NAV3: variants seen among roughly 807,000 people sequenced by gnomAD.
The protein encoded by NAV3 is neuron navigator 3, also known as pore membrane and/or filament interacting like protein 1.
A neutral mutation model predicts 244.7 loss-of-function variants in NAV3; 87 were observed. That is an observed-to-expected ratio of 0.36 (90% CI 0.30 to 0.42). The LOEUF is 0.42. Among genes scored for constraint, NAV3 ranks in the 20% least tolerant of loss-of-function variants. The pLI is 1.00. For missense variants in NAV3, 2,663 were observed against 2,893.3 expected (o/e 0.92, Z 1.83); for synonymous variants, 1,126 against 1,042.2 (o/e 1.08, Z -1.55).
chr12:78,053,260 A>G (rs1243022348), intron 11 of NAV3, among the ~76,000 whole-genome samples: 1 of 151,054 alleles, frequency 6.6e-6, no homozygotes, highest in Non-Finnish European at 1.5e-5. Context: ...ATGTATGTAT[A>G]TGTATGTGTA....
intron 5 of NAV3, among the ~76,000 whole-genome samples, chr12:77,972,294 G>C (rs1260826078): frequency 1.3e-5 from 2 of 152,118 alleles, no homozygotes. Context: ...ACCTGGATCT[G>C]TATTAAAGTA....
chr12:78,177,366 AT>A, intron 27 of NAV3, 53 bp downstream of exon 27: 1 of 1,563,462 alleles, frequency 6.4e-7, no homozygotes, highest in Non-Finnish European at 8.7e-7. Context: ...ACAATTTTAG[AT>A]GAAGGCCTTA....
intron 9 of NAV3, among the ~76,000 whole-genome samples, chr12:78,027,832 G>T (rs1350194404): frequency 6.6e-6 from 1 of 151,708 alleles, no homozygotes; most frequent in Non-Finnish European, 1.5e-5. Context: ...TTTTGTTTTT[G>T]TTTTTGTTTG....
intron 5 of NAV3, among the ~76,000 whole-genome samples, chr12:77,976,680 T>TTTC (rs1174715310): frequency 9.9e-5 from 13 of 131,946 alleles, no homozygotes; most frequent in African/African-American, 3.5e-4. Context: ...TTTTCTTTTT[T>TTTC]TTTTTTTTTT....
intron 23 of NAV3, among the ~76,000 whole-genome samples, chr12:78,162,226 C>G (rs1267796987): frequency 6.6e-6 from 1 of 152,078 alleles, no homozygotes; most frequent in East Asian, 1.9e-4. Context: ...GTATATTGCT[C>G]TCTGGTGATT....
At chr12:77,712,050 C>T (rs534337017) in intron 2 of NAV3, among the ~76,000 whole-genome samples, 2 of 152,268 alleles carry the variant, frequency 1.3e-5, no homozygotes, top group African/African-American at 4.8e-5. Flanking sequence ...AACCCCAGGT[C>T]ATTTAAACCA....
intron 5 of NAV3, among the ~76,000 whole-genome samples, chr12:77,983,775 A>G (rs1291490854): frequency 6.6e-6 from 1 of 152,178 alleles, no homozygotes; most frequent in African/African-American, 2.4e-5. Flanking sequence ...TTTGCAATGT[A>G]CTGAGTTATG....
At chr12:77,771,381 A>C (rs1248474603) in intron 2 of NAV3, among the ~76,000 whole-genome samples, 1 of 152,210 alleles carries the variant, frequency 6.6e-6, no homozygotes, top group Non-Finnish European at 1.5e-5. Flanking sequence ...CTAGAACTGG[A>C]AATACCATTT....
chr12:77,952,757 T>A (rs1055422301), intron 3 of NAV3, among the ~76,000 whole-genome samples: 1 of 152,174 alleles, frequency 6.6e-6, no homozygotes, highest in Non-Finnish European at 1.5e-5. Flanking sequence ...TTCTTCAATA[T>A]TACACTTGTT....
At chr12:77,617,586 G>C (rs1871190545) in intron 2 of NAV3, among the ~76,000 whole-genome samples, 1 of 152,206 alleles carries the variant, frequency 6.6e-6, no homozygotes, top group African/African-American at 2.4e-5. Context: ...CAGAGAAGCA[G>C]TCTAATGATT....
chr12:78,194,040 A>G (rs369390825), intron 34 of NAV3, among the ~76,000 whole-genome samples: 2 of 151,722 alleles, frequency 1.3e-5, no homozygotes, highest in Non-Finnish European at 1.5e-5. Flanking sequence ...ATAATGAACT[A>G]TTCTGTTCTC....
chr12:77,911,262 G>T (rs1345664449), intron 1 of NAV3, among the ~76,000 whole-genome samples: 1 of 152,112 alleles, frequency 6.6e-6, no homozygotes, highest in East Asian at 1.9e-4. Context: ...CAGATGATCT[G>T]TCCTAGTCTT....
At chr12:77,782,701 A>G (rs1265986390) in intron 2 of NAV3, among the ~76,000 whole-genome samples, 1 of 151,980 alleles carries the variant, frequency 6.6e-6, no homozygotes, top group Non-Finnish European at 1.5e-5. Context: ...TCTTTTCCAA[A>G]GGGATCATCA....
At chr12:77,873,274 C>T (rs1881260641) in intron 1 of NAV3, among the ~76,000 whole-genome samples, 1 of 151,926 alleles carries the variant, frequency 6.6e-6, no homozygotes, top group Non-Finnish European at 1.5e-5. Flanking sequence ...AATACAATAC[C>T]CATTTCTCAG....
At position 78,070,685 on chromosome 12, in the gene NAV3, G is replaced by A. The variant is rs1361327176; in HGVS notation, c.2636+11570G>A. On this transcript the variant is annotated intron_variant, in intron 12 of 39. Transcript: ENST00000397909. ...TCATCTAGCATTAGGTATATCTCCC[G>A]ATGCTATCCCTCCTCCCTCCCCCCA... Among the ~76,000 whole-genome samples, 35 of 147,990 alleles carry A rather than the reference G, an allele frequency of 2.4e-4. No individual in the cohort carries two copies. In the Middle Eastern group the frequency reaches 0.01, roughly 43 times the overall value.
chr12:77,723,279 GAGA>G (rs3052264), intron 2 of NAV3, among the ~76,000 whole-genome samples: 95,417 of 151,498 alleles, frequency 0.63, 34,468 homozygotes, highest in East Asian at 0.89. Context: ...GTAAACCAAG[GAGA>G]AGATCTCTGT....
In NAV3 at chr12:77,892,695, G is replaced by A. The variant is rs555564081; in HGVS notation, c.244-47624G>A. ...CTCTCAACGTGCTGGGATTACAGGC[G>A]TGAGCCACTGCGCCCGGCCCAACTA... is the stretch of plus-strand genomic sequence containing the variant. On this transcript the variant is annotated intron_variant, in intron 1 of 39. Coordinates refer to ENST00000397909, the MANE Select transcript of NAV3 (RefSeq NM_001024383.2). 1.0e-3 allele frequency among the ~76,000 whole-genome samples: 155 copies of A among 152,268 alleles called. 2 individuals are homozygous for A. The highest frequency in any genetic ancestry group is 9.6e-5 in the African/African-American group (4 of 41,568).
At chr12:78,180,100 A>G (rs1486260589) in intron 29 of NAV3, among the ~76,000 whole-genome samples, 1 of 152,178 alleles carries the variant, frequency 6.6e-6, no homozygotes, top group Non-Finnish European at 1.5e-5. Flanking sequence ...AACTATAGAA[A>G]TTCAACACAA....
chr12:77,876,371 G>A (rs1881849521), intron 1 of NAV3, among the ~76,000 whole-genome samples: 2 of 152,028 alleles, frequency 1.3e-5, no homozygotes, highest in Non-Finnish European at 1.5e-5. Context: ...AGGAATATAG[G>A]AAGTAGGAGG....
Sources: allele counts gnomAD v4.1 joint callset (sites outside exome capture counted in the v4.1 genomes callset), GRCh38; gene constraint gnomAD v4.1.1; transcripts MANE v1.5; gene names NCBI Gene and HGNC (gene_info 2026-07-23, HGNC 2026-07-21).